The following NAV2 variants were observed in gnomAD, a reference collection of about 807,000 sequenced individuals.
NAV2 encodes neuron navigator 2, also known as helicase, APC down-regulated 1.
A neutral mutation model predicts 223.2 loss-of-function variants in NAV2; 54 were observed. That is an observed-to-expected ratio of 0.24 (90% CI 0.19 to 0.30). NAV2 has a LOEUF of 0.30. Ranked by LOEUF, NAV2 falls within the 10% of genes least tolerant of loss-of-function variation. The probability of loss-of-function intolerance (pLI) is 1.00; values close to 1 mark genes in which losing one functional copy is unlikely to be tolerated. For missense variants in NAV2, 2,806 were observed against 3,147.5 expected, an observed-to-expected ratio of 0.89 and a Z score of 2.60; for synonymous variants, 1,279 against 1,239.3, an observed-to-expected ratio of 1.03 and a Z score of -0.67.
At chr11:19,383,186 A>T (rs1848909424) in intron 1 of NAV2, among the ~76,000 whole-genome samples, 1 of 151,908 alleles carries the variant, frequency 6.6e-6, no homozygotes. Context: ...CCCACCACAC[A>T]CCCCTGCTTC....
chr11:19,850,116 T>C (rs946130336), intron 3 of NAV2, among the ~76,000 whole-genome samples: 4 of 152,218 alleles, frequency 2.6e-5, no homozygotes, highest in Admixed American at 2.6e-4. Context: ...ACTTTGGTAA[T>C]ATACAAAGTA....
At chr11:19,434,109 CAA>C (rs34790501) in intron 1 of NAV2, among the ~76,000 whole-genome samples, 62 of 146,732 alleles carry the variant, frequency 4.2e-4, no homozygotes, top group South Asian at 1.1e-3. Flanking sequence ...GAAAATGAGC[CAA>C]AAAAAAAAAA....
intron 11 of NAV2, among the ~76,000 whole-genome samples, chr11:19,993,099 G>A (rs151152202): frequency 6.6e-6 from 1 of 152,294 alleles, no homozygotes; most frequent in East Asian, 1.9e-4. Flanking sequence ...TCCCAAGTCA[G>A]AATTTGACTA....
chr11:19,868,843 G>A (rs1176052635), intron 3 of NAV2, 82 bp from the exon 4 acceptor site: 3 of 1,390,482 alleles, frequency 2.2e-6, no homozygotes, highest in African/African-American at 2.9e-5. Context: ...ACAGCATTCT[G>A]TTTTCCCATT....
chr11:19,842,001 C>T (rs541675851), intron 2 of NAV2, among the ~76,000 whole-genome samples: 15 of 152,272 alleles, frequency 9.9e-5, no homozygotes, highest in South Asian at 2.1e-4. Context: ...TGATGTCACA[C>T]GCTAAGAAGC....
chr11:19,871,782 C>T (rs896879522), intron 4 of NAV2, among the ~76,000 whole-genome samples: 7 of 152,190 alleles, frequency 4.6e-5, no homozygotes, highest in Admixed American at 2.0e-4. Flanking sequence ...GCAGATCAGC[C>T]GGGTCTCTGC....
intron 1 of NAV2, among the ~76,000 whole-genome samples, chr11:19,802,882 A>G (rs922770780): frequency 6.6e-6 from 1 of 152,080 alleles, no homozygotes; most frequent in Non-Finnish European, 1.5e-5. Flanking sequence ...TTTCTTTCCT[A>G]AGAAGCCATT....
intron 6 of NAV2, among the ~76,000 whole-genome samples, chr11:19,920,278 A>G (rs1314295333): frequency 1.3e-5 from 2 of 152,210 alleles, no homozygotes; most frequent in Non-Finnish European, 2.9e-5. Context: ...ATAATTAAAT[A>G]AACCTGTTAA....
At chr11:20,074,298 CTGTT>C (rs1402481018) in intron 22 of NAV2, among the ~76,000 whole-genome samples, 1 of 152,156 alleles carries the variant, frequency 6.6e-6, no homozygotes, top group African/African-American at 2.4e-5. Flanking sequence ...GTCTGAGAGT[CTGTT>C]TGCTATGATT....
At chr11:19,945,356 C>A (rs1417668595) in intron 8 of NAV2, among the ~76,000 whole-genome samples, 1 of 148,282 alleles carries the variant, frequency 6.7e-6, no homozygotes, top group Non-Finnish European at 1.5e-5. Context: ...CCTTTCCTTC[C>A]CTTCCCTTCC....
At chr11:19,497,420 C>T (rs1454191105) in intron 1 of NAV2, among the ~76,000 whole-genome samples, 3 of 152,178 alleles carry the variant, frequency 2.0e-5, no homozygotes, top group Non-Finnish European at 2.9e-5. Context: ...GATGCCAGAA[C>T]ATGATGGAAG....
intron 1 of NAV2, among the ~76,000 whole-genome samples, chr11:19,374,340 A>G (rs1042749666): frequency 1.5e-5 from 2 of 134,628 alleles, no homozygotes; most frequent in African/African-American, 5.7e-5. Flanking sequence ...TTTTAAAATC[A>G]GCTATTAAAT....
upstream of NAV2, chr11:19,350,682 T>A (rs1333503621): frequency 2.9e-5 from 14 of 484,350 alleles, no homozygotes; most frequent in Non-Finnish European, 5.3e-5. Context: ...TGGGCTCTCA[T>A]GAAGCGAGTC....
intron 1 of NAV2, among the ~76,000 whole-genome samples, chr11:19,646,703 C>A (rs553164884): frequency 6.6e-6 from 1 of 152,108 alleles, no homozygotes; most frequent in Non-Finnish European, 1.5e-5. Context: ...AGCATCTATA[C>A]TCCAGGCACT....
At chr11:19,953,301 C>G (rs1465933663) in intron 10 of NAV2, among the ~76,000 whole-genome samples, 5 of 152,172 alleles carry the variant, frequency 3.3e-5, no homozygotes, top group Non-Finnish European at 7.3e-5. Context: ...GATCTGAATG[C>G]CTTAACTGAC....
intron 18 of NAV2, among the ~76,000 whole-genome samples, chr11:20,054,548 T>C (rs771906537): frequency 2.0e-5 from 3 of 152,172 alleles, no homozygotes; most frequent in Non-Finnish European, 2.9e-5. Context: ...CTGTAATCAA[T>C]AATTTTCTTT....
At chr11:19,742,239 T>C (rs1244408384) in intron 1 of NAV2, among the ~76,000 whole-genome samples, 4 of 152,248 alleles carry the variant, frequency 2.6e-5, no homozygotes, top group African/African-American at 7.2e-5. Context: ...ATACTGGCTC[T>C]ACCACTTCCT....
At chr11:19,369,283 T>C (rs759805490) in intron 1 of NAV2, among the ~76,000 whole-genome samples, 13 of 152,220 alleles carry the variant, frequency 8.5e-5, no homozygotes, top group Admixed American at 2.6e-4. Context: ...CAACTTTGCA[T>C]AGCACATTGG....
chr11:19,459,613 T>C (rs1051534804), intron 1 of NAV2, among the ~76,000 whole-genome samples: 1 of 152,178 alleles, frequency 6.6e-6, no homozygotes, highest in Non-Finnish European at 1.5e-5. Flanking sequence ...CATAGAGCCA[T>C]CTAAGATGTT....
Sources: allele counts gnomAD v4.1 joint callset (sites outside exome capture counted in the v4.1 genomes callset), GRCh38; gene constraint gnomAD v4.1.1; transcripts MANE v1.5; gene names NCBI Gene and HGNC (gene_info 2026-07-23, HGNC 2026-07-21).